MORF4L2: variants seen among roughly 807,000 people sequenced by gnomAD.
MORF4L2 encodes the protein mortality factor 4-like protein 2.
A neutral mutation model predicts 12.0 loss-of-function variants in MORF4L2; 1 was observed. The observed-to-expected ratio is 0.08, with a 90% CI of 0.03 to 0.40. The LOEUF (loss-of-function observed/expected upper bound fraction) is 0.40. Among genes scored for constraint, MORF4L2 ranks in the 10% least tolerant of loss-of-function variants. The pLI is 0.98. For synonymous variants in MORF4L2, 69 were observed against 81.6 expected, an observed-to-expected ratio of 0.85 and a Z score of 0.83; for missense variants, 123 against 214.0, an observed-to-expected ratio of 0.57 and a Z score of 2.65.
In MORF4L2 at chrX:103,683,527, G is replaced by A. The variant is rs144159479; in HGVS notation, c.-178+1644C>T. 1.2e-3 allele frequency among the ~76,000 whole-genome samples: 140 copies of A among 112,113 alleles called. 4 individuals are homozygous for A. In the East Asian group the frequency reaches 0.032, roughly 26 times the overall value. The stretch of plus-strand genomic sequence containing the variant: ...GGCTACACTAAGAATATTTGATGCA[G>A]TATTATCTTAAATAGCAAAACACTA... On this transcript the variant is annotated intron_variant, in intron 2 of 3. Coordinates refer to ENST00000441076, the MANE Select transcript of MORF4L2 (RefSeq NM_012286.3).
chrX:103,677,155 C>T (rs2073865776), intron 3 of MORF4L2, 104 bp from the exon 4 acceptor site: 1 of 648,728 alleles, frequency 1.5e-6, no homozygotes, highest in Admixed American at 4.1e-5. Context: ...CCCTTAAAAT[C>T]TGGATTTCAA....
At position 103,676,515 on chromosome X, in the gene MORF4L2, A is replaced by G. The variant is rs1291583556; in HGVS notation, c.513T>C (p.Asn171=). 2 of 1,210,269 alleles carry G rather than the reference A, an allele frequency of 1.7e-6. No individual in the cohort carries two copies. The highest frequency in any genetic ancestry group is 4.4e-5 in the Admixed American group (2 of 45,794). Residue 171 remains asparagine, a synonymous_variant, in exon 4 of 4, where the codon AAT becomes AAC. Coordinates refer to ENST00000441076, the MANE Select transcript of MORF4L2 (RefSeq NM_012286.3). ...EYANCKKSQG[N]VDNKEYAVNE... ...TAACCGCATATTCCTTATTATCAAC[A>G]TTTCCCTGCGATTTCTTGCAATTTG... is the stretch of plus-strand genomic sequence containing the variant.
At position 103,678,517 on chromosome X, in the gene MORF4L2, C is replaced by T. The variant is rs1341612846; in HGVS notation, c.-43G>A. The T allele has an allele frequency of 1.8e-5, 2 of 111,697 alleles. No individual in the cohort carries two copies. Among genetic ancestry groups the T allele is most frequent in the Non-Finnish European group, 3.8e-5 (2 of 53,126 alleles). The allele number at this position is 111,697 out of a possible 1,213,427, so 9.2% of individuals were successfully genotyped here. On this transcript the variant is annotated 5_prime_UTR_variant, in exon 3 of 4. Coordinates refer to ENST00000441076, the MANE Select transcript of MORF4L2 (RefSeq NM_012286.3). ...GACTTACACAATCTTCCTTCTTTCCCTTCCAAGAACTCCTAGTGATTTCCC... is the reference window on the plus strand; with the variant it reads ...GACTTACACAATCTTCCTTCTTTCCTTTCCAAGAACTCCTAGTGATTTCCC...
chrX:103,677,115 A>T, intron 3 of MORF4L2, 64 bp from the exon 4 acceptor site: 1 of 865,984 alleles, frequency 1.2e-6, no homozygotes, highest in Admixed American at 3.6e-5. Context: ...TGTTTCATAA[A>T]GGCCCATCAG....
At chrX:103,677,399 G>A (rs2073871447) in intron 3 of MORF4L2, among the ~76,000 whole-genome samples, 1 of 112,075 alleles carries the variant, frequency 8.9e-6, no homozygotes, top group African/African-American at 3.2e-5. Flanking sequence ...TTGAACAGGA[G>A]AAATGACAAT....
At chrX:103,682,379 T>A (rs954383274) in intron 2 of MORF4L2, among the ~76,000 whole-genome samples, 1 of 112,356 alleles carries the variant, frequency 8.9e-6, no homozygotes, top group Non-Finnish European at 1.9e-5. Context: ...AGGAACTATT[T>A]AGCGAAAGGA....
chrX:103,686,159 ATAGGAAAATTACAATCTCT>A (rs2074102446), intron 1 of MORF4L2, among the ~76,000 whole-genome samples: 1 of 92,503 alleles, frequency 1.1e-5, no homozygotes, highest in African/African-American at 4.1e-5. Flanking sequence ...ACTTTTCAAT[ATAGGAAAATTACAATCTCT>A]GCTATTTTGA....
intron 2 of MORF4L2, among the ~76,000 whole-genome samples, chrX:103,684,277 A>AT (rs35376766): frequency 0.018 from 1,954 of 107,058 alleles, 44 homozygotes; most frequent in African/African-American, 0.061. Flanking sequence ...CATGTAATAG[A>AT]TTTTTTTTTT....
Position 103,676,868 on chromosome X carries a change from C to T in MORF4L2, c.160G>A (p.Ala54Thr). Residue 54 changes from alanine to threonine, a missense_variant, in exon 4 of 4, where the codon GCT becomes ACT. Physicochemically the swap from Ala to Thr is moderately conservative, Grantham distance 58. Coordinates refer to ENST00000441076, the MANE Select transcript of MORF4L2 (RefSeq NM_012286.3). ...CGACCACCCCATCTTCCTGGGAGAG[C>T]TGGTTCAAGATTTTTCTGCTGTGGA... ...AGPQQKNLEP[A>T]LPGRWGGRSA... The T allele has an allele frequency of 8.3e-7, 1 of 1,208,490 alleles. No individual in the cohort carries two copies. The highest frequency in any genetic ancestry group is 1.8e-5 in the South Asian group (1 of 56,733).
At position 103,686,039 on chromosome X, in the gene MORF4L2, C is replaced by G. The variant is rs779380861; in HGVS notation, c.-268+592G>C. Among the ~76,000 whole-genome samples the G allele has an allele frequency of 6.4e-5, 7 of 109,316 alleles. No homozygotes were observed. In the South Asian group the frequency reaches 2.8e-3, roughly 43 times the overall value. 94.9% of individuals were successfully genotyped at this position (109,316 alleles called of 115,157 possible). A position where few individuals can be genotyped will look rare whatever the true frequency, so the allele number is the denominator to read the frequency against. On this transcript the variant is annotated intron_variant, in intron 1 of 3. Coordinates refer to ENST00000441076, the MANE Select transcript of MORF4L2 (RefSeq NM_012286.3). Reference sequence around the variant, plus strand: ...AACATATTTTTACAGTTGGTGTGTTCGATTCAGGATCCAAACAAGGCCTAC... The same window carrying G: ...AACATATTTTTACAGTTGGTGTGTTGGATTCAGGATCCAAACAAGGCCTAC...
At chrX:103,683,698 T>G (rs1342056774) in intron 2 of MORF4L2, among the ~76,000 whole-genome samples, 1 of 112,307 alleles carries the variant, frequency 8.9e-6, no homozygotes, top group African/African-American at 3.2e-5. Context: ...AATTTTTCAG[T>G]TAATCATCAT....
chrX:103,678,318 G>A (rs1279704625), intron 3 of MORF4L2, among the ~76,000 whole-genome samples, 181 bp downstream of exon 3: 1 of 111,460 alleles, frequency 9.0e-6, no homozygotes, highest in Non-Finnish European at 1.9e-5. Context: ...AATGTTAAGA[G>A]TAGCCATAAC....
intron 2 of MORF4L2, among the ~76,000 whole-genome samples, chrX:103,681,533 A>G (rs1447765067): frequency 9.0e-6 from 1 of 111,649 alleles, no homozygotes; most frequent in Non-Finnish European, 1.9e-5. Flanking sequence ...CAATGAAAAC[A>G]TTTTGTGTAA....
upstream of MORF4L2, among the ~76,000 whole-genome samples, chrX:103,687,102 C>CT (rs969572345): frequency 1.6e-3 from 162 of 99,699 alleles, no homozygotes; most frequent in Non-Finnish European, 1.9e-3. Flanking sequence ...TTTCCTTTTC[C>CT]TTTTTTTTTT....
chrX:103,687,785 G>A, upstream of MORF4L2, among the ~76,000 whole-genome samples: 1 of 110,752 alleles, frequency 9.0e-6, no homozygotes, highest in South Asian at 3.8e-4. Context: ...CCCTTCCATC[G>A]CCGCATTAGC....
rs1402324697 is a variant in MORF4L2, at chrX:103,676,514, C to T, written c.514G>A (p.Val172Ile). The change falls in exon 4 of 4, where the codon GTT (valine) becomes ATT (isoleucine). Residue 172 changes from valine to isoleucine, a missense_variant. Val to Ile is a conservative substitution (Grantham distance 29, BLOSUM62 3). Transcript: ENST00000441076. ...YANCKKSQGN[V>I]DNKEYAVNEV... ...TTAACCGCATATTCCTTATTATCAACATTTCCCTGCGATTTCTTGCAATTT... is the reference window on the plus strand; with the variant it reads ...TTAACCGCATATTCCTTATTATCAATATTTCCCTGCGATTTCTTGCAATTT... 6 of 1,208,803 alleles carry T rather than the reference C, an allele frequency of 5.0e-6. No homozygotes were observed. Among genetic ancestry groups the T allele is most frequent in the Non-Finnish European group, 6.7e-6 (6 of 894,974 alleles).
At chrX:103,683,073 TTAAC>T (rs1418192233) in intron 2 of MORF4L2, among the ~76,000 whole-genome samples, 1 of 109,815 alleles carries the variant, frequency 9.1e-6, no homozygotes, top group East Asian at 2.8e-4. Flanking sequence ...TTTTGATTAT[TTAAC>T]TTTTTTTTTT....
chrX:103,684,871 C>G (rs1228596232), intron 2 of MORF4L2: 1 of 112,368 alleles, frequency 8.9e-6, no homozygotes, highest in Non-Finnish European at 1.9e-5. Flanking sequence ...CTCTTAACCA[C>G]TAAACTATGC....
intron 3 of MORF4L2, 142 bp from the exon 4 acceptor site, chrX:103,677,193 A>G: frequency 2.4e-6 from 1 of 415,963 alleles, no homozygotes; most frequent in Non-Finnish European, 3.7e-6. Flanking sequence ...TTTATAAGTG[A>G]TTTTTTATTT....
Sources: allele counts gnomAD v4.1 joint callset (sites outside exome capture counted in the v4.1 genomes callset), GRCh38; gene constraint gnomAD v4.1.1; transcripts MANE v1.5; gene names NCBI Gene and HGNC (gene_info 2026-07-23, HGNC 2026-07-21).